Variants in GPC6 observed in about 807,000 individuals in gnomAD.
GPC6 encodes glypican-6.
Under a neutral mutation model 55.2 loss-of-function variants are expected in GPC6, and 14 were observed. The ratio of observed to expected loss-of-function variants is 0.25; its 90% confidence interval spans 0.17 to 0.40. GPC6 has a LOEUF of 0.40. Among genes scored for constraint, GPC6 ranks in the 10% least tolerant of loss-of-function variants. GPC6 has a pLI of 1.00. For missense variants in GPC6, 641 were observed against 708.5 expected, an observed-to-expected ratio of 0.90 and a Z score of 1.08; for synonymous variants, 278 against 259.6, an observed-to-expected ratio of 1.07 and a Z score of -0.68.
chr13:93,729,332 T>A (rs1883746779), intron 2 of GPC6, among the ~76,000 whole-genome samples: 1 of 152,136 alleles, frequency 6.6e-6, no homozygotes, highest in Non-Finnish European at 1.5e-5. Context: ...ACAATCTGTT[T>A]TTGTTCAGCC....
At chr13:94,336,610 T>C (rs1432244317) in intron 6 of GPC6, among the ~76,000 whole-genome samples, 10 of 152,160 alleles carry the variant, frequency 6.6e-5, no homozygotes, top group Non-Finnish European at 1.5e-4. Context: ...TTCTGAATTA[T>C]GAACGAAGGG....
At chr13:93,346,606 A>G (rs1050112200) in intron 1 of GPC6, among the ~76,000 whole-genome samples, 1 of 152,156 alleles carries the variant, frequency 6.6e-6, no homozygotes, top group Non-Finnish European at 1.5e-5. Context: ...CCCAGTGTCT[A>G]AAGTAGCGTA....
intron 6 of GPC6, among the ~76,000 whole-genome samples, chr13:94,314,262 A>C (rs908449096): frequency 1.3e-5 from 2 of 152,232 alleles, no homozygotes; most frequent in African/African-American, 4.8e-5. Flanking sequence ...ATGCCAAAAA[A>C]GAATATGTAG....
intron 3 of GPC6, among the ~76,000 whole-genome samples, chr13:93,965,092 A>T (rs1365038240): frequency 2.0e-5 from 3 of 150,404 alleles, no homozygotes; most frequent in Non-Finnish European, 1.5e-5. Flanking sequence ...GTATTTGGGA[A>T]ACACTATGAG....
chr13:93,599,427 A>C (rs553952913), intron 2 of GPC6, among the ~76,000 whole-genome samples: 5 of 152,142 alleles, frequency 3.3e-5, no homozygotes, highest in Non-Finnish European at 7.3e-5. Context: ...GGAAGCATGA[A>C]ATTTGAGAGC....
At chr13:93,790,544 G>C (rs1342186217) in intron 2 of GPC6, among the ~76,000 whole-genome samples, 1 of 152,040 alleles carries the variant, frequency 6.6e-6, no homozygotes, top group Non-Finnish European at 1.5e-5. Context: ...TTTTGAGTTA[G>C]GAATAAAACA....
intron 4 of GPC6, among the ~76,000 whole-genome samples, chr13:94,034,433 T>TA (rs1431621119): frequency 6.6e-6 from 1 of 152,134 alleles, no homozygotes. Flanking sequence ...TCAGCAGATA[T>TA]AGAGACAGGC....
intron 1 of GPC6, among the ~76,000 whole-genome samples, chr13:93,457,034 G>A (rs538609484): frequency 9.9e-5 from 15 of 152,188 alleles, no homozygotes; most frequent in African/African-American, 3.1e-4. Flanking sequence ...CCTTCACTCC[G>A]CTCTCATTCT....
intron 3 of GPC6, among the ~76,000 whole-genome samples, chr13:93,922,146 TA>T (rs1423693579): frequency 6.6e-6 from 1 of 152,018 alleles, no homozygotes; most frequent in East Asian, 1.9e-4. Flanking sequence ...GGGAAAGAGA[TA>T]GAGTATTAAC....
chr13:94,350,075 TTGTG>T (rs367555548), intron 6 of GPC6, among the ~76,000 whole-genome samples: 2 of 150,050 alleles, frequency 1.3e-5, no homozygotes, highest in African/African-American at 4.9e-5. Context: ...TATATATCTT[TTGTG>T]TGTGTGTGTG....
intron 3 of GPC6, among the ~76,000 whole-genome samples, chr13:93,992,110 G>T (rs1429819651): frequency 2.6e-5 from 4 of 151,024 alleles, no homozygotes; most frequent in African/African-American, 9.7e-5. Flanking sequence ...TAGTTTATAT[G>T]TGTGTATATA....
intron 1 of GPC6, among the ~76,000 whole-genome samples, chr13:93,372,041 T>C (rs1248148376): frequency 2.0e-5 from 3 of 152,166 alleles, no homozygotes; most frequent in African/African-American, 7.2e-5. Context: ...ATTTCTGAAG[T>C]GATGAGCAAA....
upstream of GPC6, among the ~76,000 whole-genome samples, chr13:93,225,037 T>G (rs1875721441): frequency 6.6e-6 from 1 of 152,230 alleles, no homozygotes. Flanking sequence ...TAGCTGATCT[T>G]CAAATAATTT....
chr13:94,325,342 G>A (rs1455844306), intron 6 of GPC6, among the ~76,000 whole-genome samples: 1 of 152,154 alleles, frequency 6.6e-6, no homozygotes, highest in African/African-American at 2.4e-5. Context: ...TTGGTGAAAG[G>A]CAGGGCAGAG....
At chr13:93,672,752 C>T (rs996800643) in intron 2 of GPC6, among the ~76,000 whole-genome samples, 30 of 151,734 alleles carry the variant, frequency 2.0e-4, no homozygotes, top group African/African-American at 6.5e-4. Flanking sequence ...AATACATTCT[C>T]TCAGTAGACA....
chr13:93,768,521 G>T (rs1189855053), intron 2 of GPC6, among the ~76,000 whole-genome samples: 7 of 152,218 alleles, frequency 4.6e-5, no homozygotes, highest in Admixed American at 2.0e-4. Flanking sequence ...CGGTAAATAT[G>T]GGTTGAATGA....
At position 93,651,957 on chromosome 13, in the gene GPC6, A is replaced by G. The variant is rs143760133; in HGVS notation, c.319+106536A>G. ...TCCCAGGTGATTCCACTGTGCAGCCAGGGCTGAGAACCACTGGGCTAAATG... is the reference window on the plus strand; with the variant it reads ...TCCCAGGTGATTCCACTGTGCAGCCGGGGCTGAGAACCACTGGGCTAAATG... On this transcript the variant is annotated intron_variant, in intron 2 of 8. Coordinates refer to ENST00000377047, the MANE Select transcript of GPC6 (RefSeq NM_005708.5). 3.4e-3 allele frequency among the ~76,000 whole-genome samples: 520 copies of G among 152,316 alleles called. 1 individual carries two copies. Among genetic ancestry groups the G allele is most frequent in the Non-Finnish European group, 6.2e-3 (420 of 68,022 alleles).
intron 3 of GPC6, among the ~76,000 whole-genome samples, chr13:93,863,346 TA>T (rs1318536646): frequency 1.3e-5 from 2 of 151,664 alleles, no homozygotes; most frequent in African/African-American, 4.8e-5. Flanking sequence ...AAGTAAAAAA[TA>T]TTTACTATCA....
At chr13:93,664,974 G>A (rs556607863) in intron 2 of GPC6, among the ~76,000 whole-genome samples, 1 of 152,242 alleles carries the variant, frequency 6.6e-6, no homozygotes, top group South Asian at 2.1e-4. Flanking sequence ...TTGAAAAAAT[G>A]TGAAGAAACC....
Sources: gnomAD v4.1 joint callset for allele counts (sites outside exome capture counted in the v4.1 genomes callset) on GRCh38, gnomAD v4.1.1 for gene constraint, MANE v1.5 for transcripts, NCBI Gene and HGNC (gene_info 2026-07-23, HGNC 2026-07-21) for gene names.